CADPS: variants seen among roughly 807,000 people sequenced by gnomAD.
CADPS encodes calcium dependent secretion activator, also known as calcium-dependent secretion activator 1.
CADPS carries 57 observed loss-of-function variants against 167.3 expected under a neutral mutation model. The observed-to-expected ratio is 0.34, with a 90% confidence interval of 0.28 to 0.42. The LOEUF (loss-of-function observed/expected upper bound fraction) is 0.42. Ranked by LOEUF, CADPS falls within the 20% of genes least tolerant of loss-of-function variation. CADPS has a pLI of 1.00. For synonymous variants in CADPS, 676 were observed against 635.3 expected, an observed-to-expected ratio of 1.06 and a Z score of -0.96; for missense variants, 1,414 against 1,738.1, an observed-to-expected ratio of 0.81 and a Z score of 3.32.
intron 21 of CADPS, 111 bp downstream of exon 21, chr3:62,491,228 C>T: frequency 8.4e-7 from 1 of 1,184,676 alleles, no homozygotes; most frequent in South Asian, 1.5e-5. Context: ...TATGGTGTTT[C>T]TCTCTGTCCA....
At chr3:62,721,642 CAAAAAAGCCAAACA>C (rs750409230) in intron 3 of CADPS, among the ~76,000 whole-genome samples, 62 of 151,956 alleles carry the variant, frequency 4.1e-4, no homozygotes, top group Non-Finnish European at 7.1e-4. Flanking sequence ...TTAGATTCAA[CAAAAAAGCCAAACA>C]AAACATTAAC....
At chr3:62,640,863 A>G (rs1457239361) in intron 6 of CADPS, among the ~76,000 whole-genome samples, 2 of 152,300 alleles carry the variant, frequency 1.3e-5, no homozygotes, top group Non-Finnish European at 2.9e-5. Context: ...GACAACTTAC[A>G]TTATACAAAA....
chr3:62,681,534 T>C (rs2077158879), intron 3 of CADPS, among the ~76,000 whole-genome samples: 2 of 152,070 alleles, frequency 1.3e-5, no homozygotes. Context: ...TATCTTGATG[T>C]TATTATTTGC....
chr3:62,490,284 T>C (rs543512559), intron 21 of CADPS, among the ~76,000 whole-genome samples: 56 of 152,056 alleles, frequency 3.7e-4, no homozygotes, highest in Non-Finnish European at 5.7e-4. Context: ...AATACTAGCA[T>C]GAACGAAATG....
chr3:62,745,056 T>A (rs1438287607), intron 3 of CADPS, among the ~76,000 whole-genome samples: 2 of 151,820 alleles, frequency 1.3e-5, no homozygotes, highest in Non-Finnish European at 2.9e-5. Flanking sequence ...TCTAAATTTG[T>A]CCCTAGTAAC....
chr3:62,662,448 A>T, intron 3 of CADPS, 54 bp from the exon 4 acceptor site: 1 of 1,478,588 alleles, frequency 6.8e-7, no homozygotes, highest in Non-Finnish European at 9.5e-7. Flanking sequence ...AGTGCCAATA[A>T]ACTCAGGACA....
At chr3:62,846,512 T>A (rs2077457433) in intron 1 of CADPS, among the ~76,000 whole-genome samples, 1 of 152,214 alleles carries the variant, frequency 6.6e-6, no homozygotes, top group African/African-American at 2.4e-5. Flanking sequence ...CTTCTCCTTA[T>A]CTGGTTGGTC....
Position 62,849,965 on chromosome 3 carries a change from G to A in CADPS, c.441+24624C>T, listed in dbSNP as rs1183983311. On this transcript the variant is annotated intron_variant, in intron 1 of 29. Coordinates refer to ENST00000383710, the MANE Select transcript of CADPS (RefSeq NM_003716.4). The stretch of plus-strand genomic sequence containing the variant: ...TGCCACAATTTCAGCTCCTGTTATT[G>A]GTCTATTCAGAGATTCAACTTCTTC... Among the ~76,000 whole-genome samples the A allele has an allele frequency of 2.5e-3, 303 of 121,372 alleles. 5 individuals are homozygous for A. Among genetic ancestry groups the A allele is most frequent in the Non-Finnish European group, 4.6e-3 (259 of 56,748 alleles). 79.6% of individuals were successfully genotyped at this position (121,372 alleles called of 152,430 possible). A position where few individuals can be genotyped will look rare whatever the true frequency, so the allele number is the denominator to read the frequency against.
chr3:62,528,624 A>G (rs1349253498), intron 13 of CADPS, among the ~76,000 whole-genome samples: 4 of 152,174 alleles, frequency 2.6e-5, no homozygotes, highest in Non-Finnish European at 5.9e-5. Flanking sequence ...CAGTCTGCTC[A>G]TTTTACAGAA....
intron 1 of CADPS, among the ~76,000 whole-genome samples, chr3:62,793,396 AAT>A (rs1353616551): frequency 6.6e-6 from 1 of 152,234 alleles, no homozygotes; most frequent in Non-Finnish European, 1.5e-5. Flanking sequence ...CCATGAATTG[AAT>A]TAAAAATTAT....
chr3:62,588,758 C>A (rs1377445341), intron 7 of CADPS, among the ~76,000 whole-genome samples: 1 of 152,004 alleles, frequency 6.6e-6, no homozygotes, highest in Non-Finnish European at 1.5e-5. Flanking sequence ...TAATGGAATA[C>A]AATGTAGCTA....
chr3:62,590,406 G>A (rs2085682102), intron 7 of CADPS, among the ~76,000 whole-genome samples: 1 of 152,140 alleles, frequency 6.6e-6, no homozygotes, highest in South Asian at 2.1e-4. Flanking sequence ...CACTCTATGT[G>A]TGTCTCTCTT....
In CADPS at chr3:62,399,167, A is replaced by G. The variant is rs1376459470; in HGVS notation, c.*239T>C. The G allele has an allele frequency of 2.2e-6, 1 of 462,268 alleles. No homozygotes were observed. Among genetic ancestry groups the G allele is most frequent in the Non-Finnish European group, 3.9e-6 (1 of 254,008 alleles). The allele number at this position is 462,268 out of a possible 1,614,324, so 28.6% of individuals were successfully genotyped here. On this transcript the variant is annotated 3_prime_UTR_variant, in exon 30 of 30. Coordinates refer to ENST00000383710, the MANE Select transcript of CADPS (RefSeq NM_003716.4). This position sits in a 1 kb window ranked among gnomAD's most constrained non-coding sequence, Gnocchi z 5.6. Reference sequence around the variant, plus strand: ...GTTAGACTATGTATTCTCCATGAACAGTATTTAAAGAATGGTGCTCCATAT... The same window carrying G: ...GTTAGACTATGTATTCTCCATGAACGGTATTTAAAGAATGGTGCTCCATAT...
At chr3:62,688,929 C>T (rs1443324629) in intron 3 of CADPS, among the ~76,000 whole-genome samples, 2 of 152,006 alleles carry the variant, frequency 1.3e-5, no homozygotes, top group Non-Finnish European at 2.9e-5. Flanking sequence ...AGGAAGAGGA[C>T]AATTCAAGTT....
rs2051039553 is a variant in CADPS, at chr3:62,420,393, T to C, written c.3778-17208A>G. 6.6e-6 allele frequency among the ~76,000 whole-genome samples: 1 copy of C among 152,072 alleles called. No individual in the cohort carries two copies. Among genetic ancestry groups the C allele is most frequent in the Admixed American group, 6.5e-5 (1 of 15,274 alleles). ...TTTAGGAGCTGGATATGGCATTGAG[T>C]GGTTTCCAAAAAGCAGTCAACATAC... On this transcript the variant is annotated intron_variant, in intron 28 of 29. Transcript: ENST00000383710. This position sits in a 1 kb window ranked among gnomAD's most constrained non-coding sequence, Gnocchi z 4.1.
At chr3:62,867,906 G>A (rs75701094) in intron 1 of CADPS, among the ~76,000 whole-genome samples, 2,084 of 152,106 alleles carry the variant, frequency 0.014, 38 homozygotes, top group African/African-American at 0.047. Context: ...CCTCAGAGAG[G>A]TTAATTGTCT....
chr3:62,707,879 A>G (rs1370658067), intron 3 of CADPS, among the ~76,000 whole-genome samples: 1 of 151,674 alleles, frequency 6.6e-6, no homozygotes, highest in Non-Finnish European at 1.5e-5. Context: ...TGTATTGAAC[A>G]GTGTTGGTAT....
intron 17 of CADPS, among the ~76,000 whole-genome samples, chr3:62,509,761 G>A (rs1264547825): frequency 6.6e-6 from 1 of 152,144 alleles, no homozygotes; most frequent in Non-Finnish European, 1.5e-5. Flanking sequence ...TTAATTTGTA[G>A]TCTTCCTATG....
At chr3:62,637,956 A>G (rs998921002) in intron 6 of CADPS, among the ~76,000 whole-genome samples, 1 of 152,014 alleles carries the variant, frequency 6.6e-6, no homozygotes, top group African/African-American at 2.4e-5. Context: ...GTTAATGATC[A>G]CTGTTTTAGA....
Sources: allele counts gnomAD v4.1 joint callset (sites outside exome capture counted in the v4.1 genomes callset), GRCh38; gene constraint gnomAD v4.1.1; non-coding constraint Gnocchi (gnomAD v3.1); transcripts MANE v1.5; gene names NCBI Gene and HGNC (gene_info 2026-07-23, HGNC 2026-07-21).